Variants in HKDC1 observed in about 807,000 individuals in gnomAD.
HKDC1 encodes the protein hexokinase domain containing 1.
A neutral mutation model predicts 96.6 loss-of-function variants in HKDC1; 66 were observed. The ratio of observed to expected loss-of-function variants is 0.68; its 90% CI spans 0.56 to 0.84. The LOEUF is 0.84. HKDC1 is among the 40% of genes least tolerant of loss of function. HKDC1 has a pLI of 0.00. For missense variants in HKDC1, 1,211 were observed against 1,208.1 expected (o/e 1.00, Z -0.04); for synonymous variants, 466 against 473.1 (o/e 0.98, Z 0.20).
intron 12 of HKDC1, 75 bp downstream of exon 12, chr10:69,250,727 C>T: frequency 6.5e-7 from 1 of 1,530,666 alleles, no homozygotes. Flanking sequence ...CCAGGTAACT[C>T]CCAGCCTGCC....
intron 5 of HKDC1, 30 bp downstream of exon 5, chr10:69,239,167 C>T (rs1236018502): frequency 1.6e-5 from 25 of 1,558,296 alleles, no homozygotes; most frequent in Non-Finnish European, 2.2e-5. Flanking sequence ...GTGGGAGGCT[C>T]TCCCAGCCCT....
intron 7 of HKDC1, 49 bp downstream of exon 7, chr10:69,243,414 A>C (rs1181507976): frequency 2.0e-6 from 3 of 1,469,028 alleles, no homozygotes; most frequent in South Asian, 2.8e-5. Flanking sequence ...GGCAGTGCCT[A>C]ATCACTCAGG....
chr10:69,226,468 G>A (rs868681649), intron 1 of HKDC1, among the ~76,000 whole-genome samples: 4 of 151,740 alleles, frequency 2.6e-5, no homozygotes, highest in South Asian at 2.1e-4. Context: ...CCAACATGGC[G>A]AAACCCCATC....
intron 15 of HKDC1, 137 bp from the exon 16 acceptor site, chr10:69,261,002 C>A (rs1843797552): frequency 2.9e-6 from 2 of 688,340 alleles, no homozygotes; most frequent in Non-Finnish European, 4.9e-6. Flanking sequence ...AGTGCTTGCT[C>A]ACATCAAGCA....
In HKDC1 at chr10:69,265,814, C is replaced by T; in HGVS notation, c.2602C>T (p.Pro868Ser). 6.2e-7 allele frequency: 1 copy of T among 1,609,876 alleles called. No individual in the cohort carries two copies. Among genetic ancestry groups the T allele is most frequent in the Non-Finnish European group, 8.5e-7 (1 of 1,177,634 alleles). The change falls in exon 17 of 18, where the codon CCT becomes TCT. Residue 868 changes from proline to serine, a missense_variant. Pro to Ser is a moderately conservative substitution (Grantham distance 74, BLOSUM62 -1). Transcript: ENST00000354624. Reference sequence around the variant, plus strand: ...GGACGGCACCCTGTACAAGCTGCACCCTCAGTGAGTGCCCACAAGAGGCGT... The same window carrying T: ...GGACGGCACCCTGTACAAGCTGCACTCTCAGTGAGTGCCCACAAGAGGCGT... ...GVDGTLYKLH[P>S]HFSRILQETV...
chr10:69,261,418 C>T (rs946348519), intron 16 of HKDC1, 124 bp downstream of exon 16: 12 of 816,774 alleles, frequency 1.5e-5, no homozygotes, highest in African/African-American at 1.2e-4. Context: ...GGGATTGCCT[C>T]CTGGGGCTGC....
intron 7 of HKDC1, 55 bp downstream of exon 7, chr10:69,243,420 T>A: frequency 7.0e-7 from 1 of 1,431,448 alleles, no homozygotes; most frequent in East Asian, 2.6e-5. Context: ...GCCTAATCAC[T>A]CAGGTCCCCT....
chr10:69,250,968 A>G (rs1053795525), intron 12 of HKDC1, among the ~76,000 whole-genome samples: 16 of 152,206 alleles, frequency 1.1e-4, no homozygotes, highest in Non-Finnish European at 1.0e-4. Flanking sequence ...GGCCAGTTAT[A>G]ACAATTGGGC....
chr10:69,260,261 T>G lies in HKDC1; in HGVS notation c.2217-878T>G, dbSNP rs550455076. ...AAGACCAAGACTGGCCCTGGTGGTT[T>G]CTTTCCTCTTTGGCACCAATCTTGT... On this transcript the variant is annotated intron_variant, in intron 15 of 17. Transcript: ENST00000354624. Among the ~76,000 whole-genome samples the G allele has an allele frequency of 3.9e-5, 6 of 152,316 alleles. No homozygotes were observed. The South Asian group carries it at 1.2e-3, about 32-fold the overall frequency.
intron 4 of HKDC1, among the ~76,000 whole-genome samples, chr10:69,236,149 C>T (rs112905217): frequency 0.029 from 4,319 of 150,672 alleles, 92 homozygotes; most frequent in Admixed American, 0.049. Context: ...AGCTCTGTCG[C>T]CCAGGCTGGA....
intron 1 of HKDC1, among the ~76,000 whole-genome samples, chr10:69,221,921 GAAAGA>G (rs915369704): frequency 5.3e-5 from 8 of 151,206 alleles, no homozygotes; most frequent in African/African-American, 1.9e-4. Flanking sequence ...AAAAAAAAAG[GAAAGA>G]AAAGAAAAAA....
At chr10:69,248,941 C>T (rs977617288) in intron 10 of HKDC1, 5 of 559,356 alleles carry the variant, frequency 8.9e-6, no homozygotes, top group African/African-American at 1.9e-5. Context: ...CAAACAAAAA[C>T]ACAAAAAGCC....
chr10:69,248,283 T>A, intron 9 of HKDC1, 141 bp from the exon 10 acceptor site: 12 of 790,738 alleles, frequency 1.5e-5, no homozygotes, highest in Non-Finnish European at 2.4e-5. Flanking sequence ...TCTCATCCCC[T>A]CCCCTCCCTA....
At position 69,247,598 on chromosome 10, in the gene HKDC1, G is replaced by A; in HGVS notation, c.1265+5G>A. On this transcript the variant is annotated splice_donor_5th_base_variant and intron_variant, in intron 9 of 17. Transcript: ENST00000354624. ...CCTCTACAAGATACACCCTCAGTGA[G>A]TGCTGCCTGCCATCCACGCCCCCAC... The A allele has an allele frequency of 6.2e-7, 1 of 1,610,730 alleles. No individual in the cohort carries two copies. Among genetic ancestry groups the A allele is most frequent in the African/African-American group, 1.3e-5 (1 of 74,968 alleles).
chr10:69,243,988 C>T (rs1045706756), intron 7 of HKDC1, among the ~76,000 whole-genome samples: 8 of 151,914 alleles, frequency 5.3e-5, no homozygotes, highest in Non-Finnish European at 8.8e-5. Context: ...GACGCTTGGC[C>T]GCAGAACACA....
At position 69,257,308 on chromosome 10, in the gene HKDC1, T is replaced by C. The variant is rs757853585; in HGVS notation, c.1933-19T>C. ...TCATAGTAAAGCTGGGTTTTTTTTG[T>C]TTTTGTTTTTGTTTTTAGGAGTTTG... is the stretch of plus-strand genomic sequence containing the variant. On this transcript the variant is annotated intron_variant, in intron 13 of 17. Coordinates refer to ENST00000354624, the MANE Select transcript of HKDC1 (RefSeq NM_025130.4). The C allele has an allele frequency of 1.1e-5, 17 of 1,604,284 alleles. No individual in the cohort carries two copies. The Admixed American group carries it at 2.8e-4, about 27-fold the overall frequency.
rs777790533 is a variant in HKDC1, at chr10:69,258,911, G to A, written c.2168G>A (p.Arg723Gln). ...DNGCIDDIWT[R>Q]YDTEVDEGSL... is the part of the protein sequence containing the mutation. Reference sequence around the variant, plus strand: ...GGCTGCATAGATGACATCTGGACCCGATACGACACGGAGGTGGATGAGGGG... The same window carrying A: ...GGCTGCATAGATGACATCTGGACCCAATACGACACGGAGGTGGATGAGGGG... Residue 723 changes from arginine (R) to glutamine (Q), a missense_variant, in exon 15 of 18, where the codon CGA becomes CAA. Physicochemically the swap from Arg to Gln is conservative, Grantham distance 43. Coordinates refer to ENST00000354624, the MANE Select transcript of HKDC1 (RefSeq NM_025130.4). The A allele has an allele frequency of 4.0e-5, 64 of 1,605,502 alleles. No individual in the cohort carries two copies. In the Admixed American group the frequency reaches 5.3e-4, roughly 13 times the overall value.
At chr10:69,248,030 A>T (rs1417482506) in intron 9 of HKDC1, among the ~76,000 whole-genome samples, 2 of 152,218 alleles carry the variant, frequency 1.3e-5, no homozygotes, top group Admixed American at 1.3e-4. Context: ...AGGAAAACAC[A>T]GGGAAATGGG....
intron 4 of HKDC1, 123 bp from the exon 5 acceptor site, chr10:69,238,919 T>G (rs1228201536): frequency 3.5e-6 from 2 of 577,842 alleles, no homozygotes; most frequent in South Asian, 2.4e-5. Flanking sequence ...TTAAAAAAAT[T>G]GGGGTGATTC....
Sources: allele counts gnomAD v4.1 joint callset (sites outside exome capture counted in the v4.1 genomes callset), GRCh38; gene constraint gnomAD v4.1.1; transcripts MANE v1.5; gene names NCBI Gene and HGNC (gene_info 2026-07-23, HGNC 2026-07-21).